TINAG: variants seen among roughly 807,000 people sequenced by gnomAD.
TINAG encodes tubulointerstitial nephritis antigen.
Under a neutral mutation model 72.7 loss-of-function variants are expected in TINAG, and 83 were observed. The ratio of observed to expected loss-of-function variants is 1.14; its 90% CI spans 0.96 to 1.37. The LOEUF is 1.37. Among genes scored for constraint, TINAG ranks in the 40% most tolerant of loss-of-function variants. The pLI is 0.00. For synonymous variants in TINAG, 234 were observed against 189.9 expected (o/e 1.23, Z -1.91); for missense variants, 685 against 576.6 (o/e 1.19, Z -1.93).
rs140649750 is a variant in TINAG, at chr6:54,334,806, G to A, written c.624+7890G>A. On this transcript the variant is annotated intron_variant, in intron 4 of 10. Transcript: ENST00000259782. Reference sequence around the variant, plus strand: ...CGTTGGCCAATTCAGGTTCAAAGTAGTAAAAAGACTTTTAATCTCTCAACC... The same window carrying A: ...CGTTGGCCAATTCAGGTTCAAAGTAATAAAAAGACTTTTAATCTCTCAACC... 2.0e-5 allele frequency among the ~76,000 whole-genome samples: 3 copies of A among 152,132 alleles called. 1 individual carries two copies. The highest frequency in any genetic ancestry group is 1.9e-4 in the East Asian group (1 of 5,190).
At chr6:54,352,426 T>C (rs1785288213) in intron 8 of TINAG, among the ~76,000 whole-genome samples, 1 of 151,830 alleles carries the variant, frequency 6.6e-6, no homozygotes. Flanking sequence ...TTTTTAAAAA[T>C]TATGGGAAAA....
intron 9 of TINAG, among the ~76,000 whole-genome samples, chr6:54,363,223 G>T (rs1393780714): frequency 2.0e-5 from 3 of 151,614 alleles, no homozygotes; most frequent in African/African-American, 7.3e-5. Context: ...AGGATGTTAA[G>T]TATGTGGTTA....
intron 9 of TINAG, among the ~76,000 whole-genome samples, chr6:54,357,010 C>T (rs1763064824): frequency 1.3e-5 from 2 of 151,742 alleles, no homozygotes; most frequent in South Asian, 4.2e-4. Flanking sequence ...CAAGATTTGC[C>T]TGGAATCACT....
At chr6:54,369,579 T>C (rs973362288) in intron 9 of TINAG, among the ~76,000 whole-genome samples, 12 of 151,990 alleles carry the variant, frequency 7.9e-5, no homozygotes, top group African/African-American at 2.7e-4. Flanking sequence ...AGGAATATTT[T>C]TGGCTGTATT....
intron 10 of TINAG, among the ~76,000 whole-genome samples, chr6:54,388,378 G>A (rs1295037798): frequency 6.6e-6 from 1 of 152,094 alleles, no homozygotes; most frequent in Non-Finnish European, 1.5e-5. Flanking sequence ...TAAAGTATCA[G>A]GGTTGATTAA....
At chr6:54,343,181 C>T (rs927901909) in intron 4 of TINAG, 45 bp from the exon 5 acceptor site, 1 of 1,421,394 alleles carries the variant, frequency 7.0e-7, no homozygotes, top group Non-Finnish European at 9.3e-7. Context: ...CCTATTGAGA[C>T]ATATTTGAGA....
chr6:54,380,624 CT>C, intron 10 of TINAG, 53 bp downstream of exon 10: 1 of 1,431,638 alleles, frequency 7.0e-7, no homozygotes, highest in African/African-American at 1.4e-5. Context: ...ATGTTCAAAT[CT>C]TCTGTTCCTC....
chr6:54,354,122 G>T (rs565323621), intron 8 of TINAG, among the ~76,000 whole-genome samples: 1 of 151,812 alleles, frequency 6.6e-6, no homozygotes, highest in Non-Finnish European at 1.5e-5. Flanking sequence ...AGCTCAGTTT[G>T]CTAGGCTCTG....
chr6:54,341,549 A>G (rs1784996057), intron 4 of TINAG, among the ~76,000 whole-genome samples: 1 of 148,706 alleles, frequency 6.7e-6, no homozygotes. Context: ...TTTCTAAGTC[A>G]AAACTGAACT....
chr6:54,310,230 G>C (rs1784208688), intron 1 of TINAG, among the ~76,000 whole-genome samples: 1 of 151,682 alleles, frequency 6.6e-6, no homozygotes, highest in Non-Finnish European at 1.5e-5. Context: ...CTACAGGTGT[G>C]TGCCTCCACA....
At chr6:54,385,430 T>C (rs1369900008) in intron 10 of TINAG, among the ~76,000 whole-genome samples, 1 of 150,366 alleles carries the variant, frequency 6.7e-6, no homozygotes, top group Non-Finnish European at 1.5e-5. Context: ...ACAAAACTTA[T>C]CAAAAACCTA....
At position 54,329,157 on chromosome 6, in the gene TINAG, C is replaced by T. The variant is rs769061165; in HGVS notation, c.624+2241C>T. 8.6e-5 allele frequency among the ~76,000 whole-genome samples: 13 copies of T among 151,796 alleles called. No individual in the cohort carries two copies. The South Asian group carries it at 1.0e-3, about 12-fold the overall frequency. ...AGATACTCCTCGAGAAGAGCAAGCC[C>T]GAGACACATAATCACTAGATTCACC... On this transcript the variant is annotated intron_variant, in intron 4 of 10. Transcript: ENST00000259782.
intron 8 of TINAG, among the ~76,000 whole-genome samples, chr6:54,352,594 G>T (rs1785292554): frequency 6.6e-6 from 1 of 151,728 alleles, no homozygotes; most frequent in Non-Finnish European, 1.5e-5. Flanking sequence ...AAATTTAAAA[G>T]ATCACAGGCA....
At chr6:54,315,252 A>G (rs1214072111) in intron 1 of TINAG, among the ~76,000 whole-genome samples, 1 of 152,122 alleles carries the variant, frequency 6.6e-6, no homozygotes, top group African/African-American at 2.4e-5. Context: ...AACTATGTAC[A>G]TTATCTTCAG....
chr6:54,331,463 T>G (rs917010814), intron 4 of TINAG, among the ~76,000 whole-genome samples: 1 of 152,156 alleles, frequency 6.6e-6, no homozygotes, highest in Non-Finnish European at 1.5e-5. Context: ...TATTTCAAAA[T>G]AGTAAGAATT....
At chr6:54,370,007 A>C (rs959440425) in intron 9 of TINAG, 1 of 152,064 alleles carries the variant, frequency 6.6e-6, no homozygotes, top group African/African-American at 2.4e-5. Context: ...TGAGGAGTTG[A>C]TGTCACACAG....
chr6:54,361,541 C>A lies in TINAG; in HGVS notation c.1250+6905C>A, dbSNP rs574889736. 2.8e-3 allele frequency among the ~76,000 whole-genome samples: 431 copies of A among 151,750 alleles called. 4 individuals carry two copies. The highest frequency in any genetic ancestry group is 9.9e-3 in the African/African-American group (411 of 41,470). On this transcript the variant is annotated intron_variant, in intron 9 of 10. Coordinates refer to ENST00000259782, the MANE Select transcript of TINAG (RefSeq NM_014464.4). Reference sequence around the variant, plus strand: ...AGAACAGTAAGGGGGAGATCCACTCCTATGATCCAGTCACCTCCCACTAAG... The same window carrying A: ...AGAACAGTAAGGGGGAGATCCACTCATATGATCCAGTCACCTCCCACTAAG...
chr6:54,367,939 T>C (rs1245702428), intron 9 of TINAG, among the ~76,000 whole-genome samples: 1 of 151,706 alleles, frequency 6.6e-6, no homozygotes, highest in African/African-American at 2.4e-5. Context: ...CTCTATGGTG[T>C]CCTTTATAGG....
In TINAG at chr6:54,308,661, G is replaced by A; in HGVS notation, c.111G>A (p.Arg37=). ...TGGACCTAGAGGCTTATTTCACTAG[G>A]AATCACACCGTTTTGCAAGGTACTC... ...REVDLEAYFT[R]NHTVLQGTRF... The change falls in exon 1 of 11, where the codon AGG becomes AGA. Residue 37 remains arginine (R), a synonymous_variant. Transcript: ENST00000259782. 1 of 1,613,758 alleles carries A rather than the reference G, an allele frequency of 6.2e-7. No homozygotes were observed. The highest frequency in any genetic ancestry group is 1.1e-5 in the South Asian group (1 of 91,072).
Sources: gnomAD v4.1 joint callset for allele counts (sites outside exome capture counted in the v4.1 genomes callset) on GRCh38, gnomAD v4.1.1 for gene constraint, MANE v1.5 for transcripts, NCBI Gene and HGNC (gene_info 2026-07-23, HGNC 2026-07-21) for gene names.